GNAO1: variants seen among roughly 807,000 people sequenced by gnomAD.
GNAO1 encodes the protein G protein subunit alpha o1.
For synonymous variants in GNAO1, 164 were observed against 180.7 expected, an observed-to-expected ratio of 0.91 and a Z score of 0.74; for missense variants, 166 against 478.7, an observed-to-expected ratio of 0.35 and a Z score of 6.10.
rs1485990608 is a variant in GNAO1 at position 56,354,879 on chromosome 16, T to C, written c.891T>C (p.Tyr297=). 2 of 1,611,946 alleles carry C rather than the reference T, an allele frequency of 1.2e-6. No individual in the cohort carries two copies. Among genetic ancestry groups the C allele is most frequent in the African/African-American group, 2.7e-5 (2 of 74,800 alleles). The stretch of plus-strand genomic sequence containing the variant: ...GTCTTGTTACAGGCCCCAATACCTA[T>C]GAAGACGCAGCCGCCTACATCCAAG... The part of the protein sequence containing the change: ...CFPEYTGPNT[Y]EDAAAYIQAQ... The change falls in exon 8 of 9, where the codon TAT becomes TAC. Residue 297 remains tyrosine (Y), a synonymous_variant. Coordinates refer to ENST00000262493, the MANE Select transcript of GNAO1 (RefSeq NM_020988.3). This position sits in a 1 kb window ranked among gnomAD's most constrained non-coding sequence, Gnocchi z 4.3.
rs1035780602 is a variant in GNAO1 at position 56,286,703 on chromosome 16, G to C, written c.303+10631G>C. 1.2e-3 allele frequency among the ~76,000 whole-genome samples: 145 copies of C among 123,484 alleles called. 3 individuals are homozygous for C. Among genetic ancestry groups the C allele is most frequent in the African/African-American group, 4.9e-3 (138 of 28,298 alleles). 81.0% of individuals were successfully genotyped at this position (123,484 alleles called of 152,430 possible). A position where few individuals can be genotyped will look rare whatever the true frequency, so the allele number is the denominator to read the frequency against. ...TTCTGTCTCTGTCGCCTCTGTGTGT[G>C]TGTGTGTGTGTGTGTGTGTGTGTGT... On this transcript the variant is annotated intron_variant, in intron 3 of 8. Transcript: ENST00000262493.
intron 3 of GNAO1, among the ~76,000 whole-genome samples, chr16:56,319,483 T>A (rs2037550331): frequency 1.3e-5 from 2 of 152,122 alleles, no homozygotes; most frequent in South Asian, 4.1e-4. Flanking sequence ...ACGCCCCTCC[T>A]TGGAGCATGG....
chr16:56,253,429 CTT>C (rs2036817635), intron 2 of GNAO1, among the ~76,000 whole-genome samples: 1 of 152,220 alleles, frequency 6.6e-6, no homozygotes. Flanking sequence ...AGAAGAGAAT[CTT>C]TATTCTTTCT....
intron 2 of GNAO1, among the ~76,000 whole-genome samples, chr16:56,215,744 C>A (rs1370007101): frequency 6.6e-6 from 1 of 152,104 alleles, no homozygotes; most frequent in Non-Finnish European, 1.5e-5. Context: ...CATAAATTGG[C>A]TGTTAGGTGT....
intron 2 of GNAO1, among the ~76,000 whole-genome samples, chr16:56,259,113 C>T (rs536901016): frequency 6.6e-6 from 1 of 152,286 alleles, no homozygotes; most frequent in Admixed American, 6.5e-5. Context: ...TGGGGACATG[C>T]AGGAGCCAGT....
chr16:56,231,913 G>C (rs553597298), intron 2 of GNAO1, among the ~76,000 whole-genome samples: 95 of 152,276 alleles, frequency 6.2e-4, no homozygotes, highest in Middle Eastern at 3.4e-3. Context: ...CTGTGACGAT[G>C]TCGTCCCTGT....
At chr16:56,335,666 G>A (rs182811137) in intron 5 of GNAO1, among the ~76,000 whole-genome samples, 1 of 152,296 alleles carries the variant, frequency 6.6e-6, no homozygotes, top group African/African-American at 2.4e-5. Context: ...AAAACCTTGG[G>A]CAGAGCAGCC....
chr16:56,214,664 T>C (rs150406151), intron 2 of GNAO1, among the ~76,000 whole-genome samples: 2 of 152,382 alleles, frequency 1.3e-5, no homozygotes, highest in East Asian at 3.9e-4. Flanking sequence ...TACCAATTTC[T>C]GTCTAGGGGT....
chr16:56,224,598 A>C (rs2036518357), intron 2 of GNAO1, among the ~76,000 whole-genome samples: 1 of 152,168 alleles, frequency 6.6e-6, no homozygotes, highest in South Asian at 2.1e-4. Flanking sequence ...TGCCTCTGTC[A>C]GCCTCCCAAG....
intron 6 of GNAO1, among the ~76,000 whole-genome samples, chr16:56,337,448 C>T (rs140025293): frequency 2.6e-5 from 4 of 152,306 alleles, no homozygotes; most frequent in African/African-American, 9.6e-5. Context: ...CTCTGGGCTC[C>T]TTTGCCAAAT....
At chr16:56,348,565 C>T (rs149038138) in intron 6 of GNAO1, among the ~76,000 whole-genome samples, 1 of 152,328 alleles carries the variant, frequency 6.6e-6, no homozygotes, top group East Asian at 1.9e-4. Flanking sequence ...GGTTGGCTGT[C>T]AGCCATCTAT....
intron 3 of GNAO1, among the ~76,000 whole-genome samples, chr16:56,321,673 G>T (rs569204624): frequency 1.3e-5 from 2 of 152,292 alleles, no homozygotes; most frequent in East Asian, 3.9e-4. Context: ...CTCTGCTGCC[G>T]TAAAACAAGA....
At chr16:56,233,958 T>G (rs2036613920) in intron 2 of GNAO1, among the ~76,000 whole-genome samples, 1 of 152,242 alleles carries the variant, frequency 6.6e-6, no homozygotes, top group Admixed American at 6.5e-5. Context: ...GATGCTGTGC[T>G]GACCCGGCTC....
At chr16:56,221,368 G>A (rs557044385) in intron 2 of GNAO1, among the ~76,000 whole-genome samples, 140 of 152,104 alleles carry the variant, frequency 9.2e-4, no homozygotes, top group African/African-American at 3.3e-3. Context: ...GAAGTCATGG[G>A]GCCAGGTGCA....
In GNAO1 at chr16:56,354,087, G is replaced by A. The variant is rs1261706151; in HGVS notation, c.878-779G>A. ...CTTCTTAAAGGAAACCAATGAGGAA[G>A]GAGTGCAGGTCCCTCTGAGTGCCCA... On this transcript the variant is annotated intron_variant, in intron 7 of 8. Transcript: ENST00000262493. The surrounding 1 kb of genome is among the most constrained non-coding windows in gnomAD (Gnocchi z 4.3). Among the ~76,000 whole-genome samples, 2 of 152,240 alleles carry A rather than the reference G, an allele frequency of 1.3e-5. No individual in the cohort carries two copies. The highest frequency in any genetic ancestry group is 4.8e-5 in the African/African-American group (2 of 41,468).
At chr16:56,318,879 G>C (rs1479577841) in intron 3 of GNAO1, among the ~76,000 whole-genome samples, 1 of 152,084 alleles carries the variant, frequency 6.6e-6, no homozygotes, top group Non-Finnish European at 1.5e-5. Flanking sequence ...TCCTCACCCC[G>C]TTTTATCTGC....
At chr16:56,232,097 C>T (rs186505463) in intron 2 of GNAO1, among the ~76,000 whole-genome samples, 8 of 152,158 alleles carry the variant, frequency 5.3e-5, no homozygotes, top group South Asian at 2.1e-4. Context: ...CACAGCAAGG[C>T]GTTGACGGAT....
intron 3 of GNAO1, among the ~76,000 whole-genome samples, chr16:56,281,751 G>C (rs1316384399): frequency 6.6e-6 from 1 of 151,590 alleles, no homozygotes. Flanking sequence ...CCTTGTTCTG[G>C]CTGAGCTGGC....
At chr16:56,197,049 T>A (rs62036909) in intron 2 of GNAO1, among the ~76,000 whole-genome samples, 3,149 of 152,320 alleles carry the variant, frequency 0.021, 78 homozygotes, top group Non-Finnish European at 0.026. Flanking sequence ...AGTCTTCACT[T>A]GATCTTAGCC....
Sources: gnomAD v4.1 joint callset for allele counts (sites outside exome capture counted in the v4.1 genomes callset) on GRCh38, gnomAD v4.1.1 for gene constraint, Gnocchi (gnomAD v3.1) non-coding constraint, MANE v1.5 for transcripts, NCBI Gene and HGNC (gene_info 2026-07-23, HGNC 2026-07-21) for gene names.